The following DUSP19 variants were observed in gnomAD, a reference collection of about 807,000 sequenced individuals.
DUSP19 encodes the protein dual specificity protein phosphatase 19.
A neutral mutation model predicts 16.6 loss-of-function variants in DUSP19; 14 were observed. The observed-to-expected ratio is 0.84, with a 90% CI of 0.56 to 1.32. DUSP19 has a LOEUF of 1.32. DUSP19 is among the 40% of genes most tolerant of loss of function. DUSP19 has a pLI of 0.00. For missense variants in DUSP19, 258 were observed against 255.9 expected (o/e 1.01, Z -0.06); for synonymous variants, 81 against 90.5 (o/e 0.90, Z 0.59).
intron 3 of DUSP19, 106 bp downstream of exon 3, chr2:183,087,298 T>G: frequency 8.7e-7 from 1 of 1,150,766 alleles, no homozygotes; most frequent in Non-Finnish European, 1.2e-6. Flanking sequence ...AAAACAATTA[T>G]GAAATTTCCC....
intron 3 of DUSP19, among the ~76,000 whole-genome samples, chr2:183,088,305 A>G (rs1300359042): frequency 1.3e-5 from 2 of 151,802 alleles, no homozygotes; most frequent in Non-Finnish European, 2.9e-5. Flanking sequence ...CTAACAACAC[A>G]TTTCTCAGAA....
chr2:183,083,504 C>A lies in DUSP19; in HGVS notation c.227-4C>A, dbSNP rs781003193. 2 of 1,607,902 alleles carry A rather than the reference C, an allele frequency of 1.2e-6. No individual in the cohort carries two copies. The highest frequency in any genetic ancestry group is 1.7e-6 in the Non-Finnish European group (2 of 1,177,214). On this transcript the variant is annotated splice_region_variant and splice_polypyrimidine_tract_variant and intron_variant, in intron 1 of 3. Coordinates refer to ENST00000354221, the MANE Select transcript of DUSP19 (RefSeq NM_080876.4). ...TTCAAGGTGGTATCATTTATTTCTT[C>A]TAGGGTCACAAGATGCTGCTCATGA...
At chr2:183,086,018 C>T (rs1236814567) in intron 2 of DUSP19, among the ~76,000 whole-genome samples, 1 of 151,658 alleles carries the variant, frequency 6.6e-6, no homozygotes, top group Admixed American at 6.6e-5. Flanking sequence ...TGGCTTTCTT[C>T]CACATGGTTG....
At chr2:183,088,153 A>G (rs751326336) in intron 3 of DUSP19, among the ~76,000 whole-genome samples, 25 of 152,210 alleles carry the variant, frequency 1.6e-4, no homozygotes, top group Non-Finnish European at 3.4e-4. Flanking sequence ...GTTTAGATAC[A>G]CAAATACATA....
At chr2:183,094,547 T>A (rs981533532) in intron 3 of DUSP19, among the ~76,000 whole-genome samples, 2 of 152,200 alleles carry the variant, frequency 1.3e-5, no homozygotes, top group African/African-American at 4.8e-5. Flanking sequence ...ATCAGATCTA[T>A]CACATTCATT....
intron 2 of DUSP19, among the ~76,000 whole-genome samples, chr2:183,085,539 C>T (rs1330344935): frequency 6.7e-6 from 1 of 148,964 alleles, no homozygotes; most frequent in African/African-American, 2.5e-5. Flanking sequence ...AATTGGAGGC[C>T]AAAGCCATAT....
rs1303115293 is a variant in DUSP19 at position 183,078,788 on chromosome 2, T to C, written c.-146T>C. ...ATAAACGGAGCTGGACGACTCAGTC[T>C]CTTGGTCTGTGGCTGCTGCGGTTAC... On this transcript the variant is annotated 5_prime_UTR_variant, in exon 1 of 4. Transcript: ENST00000354221. 7 of 684,346 alleles carry C rather than the reference T, an allele frequency of 1.0e-5. No homozygotes were observed. Among genetic ancestry groups the C allele is most frequent in the Non-Finnish European group, 1.7e-5 (7 of 406,876 alleles). 42.4% of individuals were successfully genotyped at this position (684,346 alleles called of 1,614,324 possible).
rs771856105 is a variant in DUSP19, at chr2:183,098,608, A to T, written c.*2950A>T. The T allele has an allele frequency of 1.5e-4, 23 of 152,200 alleles. No individual in the cohort carries two copies. Among genetic ancestry groups the T allele is most frequent in the Non-Finnish European group, 2.4e-4 (16 of 68,022 alleles). The allele number at this position is 152,200 out of a possible 1,614,324, so 9.4% of individuals were successfully genotyped here. Reference sequence around the variant, plus strand: ...TTTTTGCCTCTTTGTTTTTCAATAGATTATTCTGCCATTTTTTAAAGGAAA... The same window carrying T: ...TTTTTGCCTCTTTGTTTTTCAATAGTTTATTCTGCCATTTTTTAAAGGAAA... On this transcript the variant is annotated 3_prime_UTR_variant, in exon 4 of 4. Transcript: ENST00000354221.
chr2:183,089,498 A>C (rs1309058902), intron 3 of DUSP19, among the ~76,000 whole-genome samples: 1 of 152,204 alleles, frequency 6.6e-6, no homozygotes, highest in Non-Finnish European at 1.5e-5. Flanking sequence ...TCTAACACCC[A>C]GTAATACAAC....
At chr2:183,083,891 T>G (rs989971420) in intron 2 of DUSP19, among the ~76,000 whole-genome samples, 4 of 152,134 alleles carry the variant, frequency 2.6e-5, no homozygotes, top group African/African-American at 9.7e-5. Context: ...ATACCTTAAG[T>G]CCCAACTCAC....
In DUSP19 at chr2:183,080,430, C is replaced by T. The variant is rs1028974383; in HGVS notation, c.226+1271C>T. ...ATGTCTCTAACTAGTTTCTACAGTC[C>T]CGTGAAAAACTGTACCATATTCTTG... On this transcript the variant is annotated intron_variant, in intron 1 of 3. Transcript: ENST00000354221. Among the ~76,000 whole-genome samples, 3 of 152,086 alleles carry T rather than the reference C, an allele frequency of 2.0e-5. No individual in the cohort carries two copies. In the South Asian group the frequency reaches 6.2e-4, roughly 31 times the overall value.
rs1229529381 is a variant in DUSP19 at position 183,088,397 on chromosome 2, G to GT, written c.426+1217dup. Among the ~76,000 whole-genome samples, 839 of 121,088 alleles carry GT rather than the reference G, an allele frequency of 6.9e-3. 4 individuals carry two copies. Among genetic ancestry groups the GT allele is most frequent in the East Asian group, 0.01 (43 of 4,158 alleles). The allele number at this position is 121,088 out of a possible 152,430, so 79.4% of individuals were successfully genotyped here. On this transcript the variant is annotated intron_variant, in intron 3 of 3. Coordinates refer to ENST00000354221, the MANE Select transcript of DUSP19 (RefSeq NM_080876.4). ...GTTTTTTTTGTTTTTTGTTTTTTGT[G>GT]TTTTTTTTTTTTGTTTTTTTTTTTT...
rs972564010 is a variant in DUSP19, at chr2:183,089,684, G to A, written c.426+2492G>A. ...ATGCTGAGAGGGTCTGTGAGATGGC[G>A]GCACCACAGGAATCTGAGGAGCTGC... On this transcript the variant is annotated intron_variant, in intron 3 of 3. Coordinates refer to ENST00000354221, the MANE Select transcript of DUSP19 (RefSeq NM_080876.4). Among the ~76,000 whole-genome samples the A allele has an allele frequency of 5.9e-5, 9 of 152,118 alleles. 1 individual carries two copies. The South Asian group carries it at 6.2e-4, about 11-fold the overall frequency.
intron 3 of DUSP19, among the ~76,000 whole-genome samples, chr2:183,090,766 C>A (rs955281350): frequency 6.6e-6 from 1 of 152,090 alleles, no homozygotes; most frequent in African/African-American, 2.4e-5. Context: ...CTTGAAAATA[C>A]CTTCTCCCCC....
Position 183,095,426 on chromosome 2 carries a change from TG to T in DUSP19, c.427-4del. On this transcript the variant is annotated splice_polypyrimidine_tract_variant and splice_region_variant and intron_variant, in intron 3 of 3. Transcript: ENST00000354221. ...GAAGATTTTTGTTTGTTTTTTTTTTTGTAGGATGGAGTGGTTCTTGTTCATT... is the reference window on the plus strand; with the variant it reads ...GAAGATTTTTGTTTGTTTTTTTTTTTTAGGATGGAGTGGTTCTTGTTCATT... The T allele has an allele frequency of 6.4e-7, 1 of 1,574,320 alleles. No homozygotes were observed. The highest frequency in any genetic ancestry group is 8.6e-7 in the Non-Finnish European group (1 of 1,163,414).
intron 1 of DUSP19, among the ~76,000 whole-genome samples, chr2:183,083,065 C>T (rs1699614681): frequency 6.6e-6 from 1 of 151,304 alleles, no homozygotes; most frequent in Non-Finnish European, 1.5e-5. Context: ...CCATGCCTGG[C>T]TAATTAAAAA....
chr2:183,095,633 A>T lies in DUSP19; in HGVS notation c.629A>T (p.Asp210Val). Residue 210 changes from aspartate (D) to valine (V), a missense_variant, in exon 4 of 4, where the codon GAC (aspartate) becomes GTC (valine). By Grantham distance (152) the Asp-to-Val change is radical. Transcript: ENST00000354221. Reference sequence around the variant, plus strand: ...GAGGGCAAAGAAAGCAATAAGTGTGACAGAATACAGGAGAACAGTTCATGA... The same window carrying T: ...GAGGGCAAAGAAAGCAATAAGTGTGTCAGAATACAGGAGAACAGTTCATGA... The part of the protein sequence containing the change: ...YQEGKESNKC[D>V]RIQENSS 6.2e-7 allele frequency: 1 copy of T among 1,613,926 alleles called. No individual in the cohort carries two copies. The highest frequency in any genetic ancestry group is 1.1e-5 in the South Asian group (1 of 91,050).
intron 1 of DUSP19, among the ~76,000 whole-genome samples, chr2:183,082,942 C>A (rs1699613047): frequency 6.7e-6 from 1 of 149,348 alleles, no homozygotes; most frequent in Non-Finnish European, 1.5e-5. Context: ...GGCTGTGTCA[C>A]CGAGGCTGGA....
At chr2:183,079,661 G>C (rs1163834326) in intron 1 of DUSP19, among the ~76,000 whole-genome samples, 1 of 152,164 alleles carries the variant, frequency 6.6e-6, no homozygotes, top group Non-Finnish European at 1.5e-5. Context: ...GTCTGTTTTT[G>C]GAGTGTTTAA....
Sources: allele counts gnomAD v4.1 joint callset (sites outside exome capture counted in the v4.1 genomes callset), GRCh38; gene constraint gnomAD v4.1.1; transcripts MANE v1.5; gene names NCBI Gene and HGNC (gene_info 2026-07-23, HGNC 2026-07-21).